The following AGBL1 variants were observed in gnomAD, a reference collection of about 807,000 sequenced individuals.
The protein encoded by AGBL1 is AGBL carboxypeptidase 1, also known as cytosolic carboxypeptidase 4.
A neutral mutation model predicts 118.9 loss-of-function variants in AGBL1; 130 were observed. The ratio of observed to expected loss-of-function variants is 1.09; its 90% CI spans 0.95 to 1.26. The LOEUF is 1.26. Ranked by LOEUF, AGBL1 falls within the 50% of genes most tolerant of loss-of-function variation. The pLI is 0.00. For missense variants in AGBL1, 1,584 were observed against 1,298.1 expected, an observed-to-expected ratio of 1.22 and a Z score of -3.38; for synonymous variants, 555 against 478.9, an observed-to-expected ratio of 1.16 and a Z score of -2.08.
At chr15:86,977,552 A>G (rs948668412) in intron 23 of AGBL1, among the ~76,000 whole-genome samples, 1 of 151,952 alleles carries the variant, frequency 6.6e-6, no homozygotes, top group Non-Finnish European at 1.5e-5. Flanking sequence ...CTTAACTGCA[A>G]TATAATATTT....
chr15:86,660,564 TTTTTTTTTTACTGA>T (rs1161772920), intron 21 of AGBL1, among the ~76,000 whole-genome samples: 1 of 143,810 alleles, frequency 7.0e-6, no homozygotes. Context: ...AGTCAACACA[TTTTTTTTTTACTGA>T]TTTTTTAAGT....
intron 21 of AGBL1, among the ~76,000 whole-genome samples, chr15:86,566,233 T>C (rs1232297280): frequency 6.6e-6 from 1 of 152,224 alleles, no homozygotes; most frequent in Non-Finnish European, 1.5e-5. Flanking sequence ...CACTGGGAGC[T>C]GTAGACTGGA....
At chr15:86,337,890 A>AAAAG (rs1220860179) in intron 17 of AGBL1, among the ~76,000 whole-genome samples, 8 of 150,266 alleles carry the variant, frequency 5.3e-5, no homozygotes, top group African/African-American at 1.9e-4. Flanking sequence ...TTAAAAATAA[A>AAAAG]AAAGAAAGAT....
chr15:86,239,753 C>G (rs927605788), intron 6 of AGBL1, among the ~76,000 whole-genome samples: 1 of 152,212 alleles, frequency 6.6e-6, no homozygotes, highest in African/African-American at 2.4e-5. Context: ...AAAAGCCACT[C>G]TTCAAGCACC....
intron 7 of AGBL1, among the ~76,000 whole-genome samples, chr15:86,253,587 A>G (rs1446461557): frequency 2.6e-5 from 4 of 152,156 alleles, no homozygotes; most frequent in African/African-American, 9.7e-5. Context: ...AGAAGAGGAC[A>G]TGAATTAAAG....
chr15:86,794,419 G>A (rs1245602585), intron 22 of AGBL1, among the ~76,000 whole-genome samples: 4 of 152,150 alleles, frequency 2.6e-5, no homozygotes, highest in Non-Finnish European at 5.9e-5. Flanking sequence ...GAGACAGAAA[G>A]CAGATTAGTG....
Position 86,759,972 on chromosome 15 carries a change from GA to G in AGBL1, c.3158+85539del, listed in dbSNP as rs367973684. On this transcript the variant is annotated intron_variant, in intron 22 of 22. Coordinates refer to ENST00000614907, the MANE Select transcript of AGBL1 (RefSeq NM_001386094.1). ...GTGTGTGGTTATTTTTAGACTTACT[GA>G]AACAGCAGCAGCAGGCTTCCATTTA... Among the ~76,000 whole-genome samples, 12 of 152,170 alleles carry G rather than the reference GA, an allele frequency of 7.9e-5. No homozygotes were observed. In the East Asian group the frequency reaches 2.1e-3, roughly 27 times the overall value.
chr15:86,908,745 G>A lies in AGBL1; in HGVS notation c.*1451G>A, dbSNP rs2080312976. 6.6e-6 allele frequency: 1 copy of A among 152,268 alleles called. No individual in the cohort carries two copies. The allele number at this position is 152,268 out of a possible 1,614,324, so 9.4% of individuals were successfully genotyped here. ...TACGAGACCTGCGAAGAAAGGATGA[G>A]AAGGGACGACAAAGGCAGTGGTAGA... On this transcript the variant is annotated 3_prime_UTR_variant, in exon 23 of 23. Coordinates refer to ENST00000614907, the MANE Select transcript of AGBL1 (RefSeq NM_001386094.1).
intron 23 of AGBL1, among the ~76,000 whole-genome samples, chr15:86,961,313 G>GA (rs943256984): frequency 9.3e-5 from 14 of 150,414 alleles, no homozygotes; most frequent in South Asian, 6.3e-4. Flanking sequence ...CTTTAGAAAA[G>GA]AAAAAAAAAG....
chr15:86,348,053 C>G (rs146863506), intron 17 of AGBL1, among the ~76,000 whole-genome samples: 2 of 152,262 alleles, frequency 1.3e-5, no homozygotes, highest in East Asian at 3.9e-4. Flanking sequence ...TGTCCCCATG[C>G]GTTTCCAATT....
chr15:86,535,921 C>G (rs1006707826), intron 19 of AGBL1, among the ~76,000 whole-genome samples: 3 of 152,140 alleles, frequency 2.0e-5, no homozygotes, highest in Non-Finnish European at 4.4e-5. Context: ...TGCTTATTTT[C>G]ATAACTCGTG....
chr15:86,952,867 G>A (rs978894889), intron 23 of AGBL1, among the ~76,000 whole-genome samples: 3 of 152,130 alleles, frequency 2.0e-5, no homozygotes, highest in Non-Finnish European at 2.9e-5. Flanking sequence ...TATAGTGAAA[G>A]GTAAGGGTCC....
chr15:86,874,042 A>G (rs2079768356), intron 22 of AGBL1, among the ~76,000 whole-genome samples: 1 of 152,260 alleles, frequency 6.6e-6, no homozygotes, highest in Admixed American at 6.5e-5. Flanking sequence ...AATGGGGACA[A>G]TACTTCCCAT....
chr15:86,518,473 T>A (rs1384479948), intron 18 of AGBL1, among the ~76,000 whole-genome samples: 1 of 152,124 alleles, frequency 6.6e-6, no homozygotes, highest in Non-Finnish European at 1.5e-5. Context: ...TGCTGCTGAT[T>A]GACTCTTCGA....
intron 18 of AGBL1, among the ~76,000 whole-genome samples, chr15:86,480,472 C>G (rs2082636617): frequency 6.6e-6 from 1 of 151,908 alleles, no homozygotes; most frequent in Non-Finnish European, 1.5e-5. Context: ...AAAATCTTAT[C>G]AAGGGAAATT....
chr15:86,175,676 A>G (rs1448211908), intron 5 of AGBL1, among the ~76,000 whole-genome samples: 1 of 152,042 alleles, frequency 6.6e-6, no homozygotes, highest in African/African-American at 2.4e-5. Flanking sequence ...ACTGTATTCC[A>G]CAGATTTTGG....
At chr15:86,237,674 A>G (rs891120575) in intron 6 of AGBL1, among the ~76,000 whole-genome samples, 1 of 152,182 alleles carries the variant, frequency 6.6e-6, no homozygotes, top group Admixed American at 6.5e-5. Flanking sequence ...AAAAATTTGG[A>G]TGGATAAAAA....
At chr15:86,428,246 G>T (rs992278045) in intron 18 of AGBL1, among the ~76,000 whole-genome samples, 7 of 152,336 alleles carry the variant, frequency 4.6e-5, no homozygotes, top group Admixed American at 3.9e-4. Flanking sequence ...GCTTTGGGTA[G>T]AAAGACTGCT....
At chr15:86,140,700 T>G (rs2076951637) in intron 1 of AGBL1, among the ~76,000 whole-genome samples, 1 of 151,836 alleles carries the variant, frequency 6.6e-6, no homozygotes, top group South Asian at 2.1e-4. Flanking sequence ...GGAGCTGGAG[T>G]GCACTTGAAG....
Sources: gnomAD v4.1 joint callset for allele counts (sites outside exome capture counted in the v4.1 genomes callset) on GRCh38, gnomAD v4.1.1 for gene constraint, MANE v1.5 for transcripts, NCBI Gene and HGNC (gene_info 2026-07-23, HGNC 2026-07-21) for gene names.